The following DACH2 variants were observed in gnomAD, a reference collection of about 807,000 sequenced individuals.
DACH2 encodes the protein dachshund homolog 2.
Under a neutral mutation model 35.8 loss-of-function variants are expected in DACH2, and 17 were observed. That is an observed-to-expected ratio of 0.48 (90% CI 0.33 to 0.71). DACH2 has a LOEUF of 0.71. Among genes scored for constraint, DACH2 ranks in the 30% least tolerant of loss-of-function variants. The pLI is 0.02. For missense variants in DACH2, 469 were observed against 472.7 expected (o/e 0.99, Z 0.07); for synonymous variants, 195 against 177.3 (o/e 1.10, Z -0.79).
chrX:86,789,539 T>A, intron 7 of DACH2, among the ~76,000 whole-genome samples: 1 of 111,911 alleles, frequency 8.9e-6, no homozygotes. Flanking sequence ...ATAAAACATA[T>A]CCCTGTCTTT....
At chrX:86,340,912 C>T (rs189088680) in intron 1 of DACH2, among the ~76,000 whole-genome samples, 104 of 111,715 alleles carry the variant, frequency 9.3e-4, no homozygotes, top group Non-Finnish European at 1.8e-3. Context: ...TCTGTGAATG[C>T]TGAGAGAGAT....
intron 3 of DACH2, among the ~76,000 whole-genome samples, chrX:86,614,439 T>C (rs929963497): frequency 7.2e-5 from 8 of 111,877 alleles, no homozygotes; most frequent in African/African-American, 2.6e-4. Flanking sequence ...AATAACTCTC[T>C]TGGATATGTC....
chrX:86,343,387 C>T (rs185265647), intron 1 of DACH2, among the ~76,000 whole-genome samples: 41 of 111,471 alleles, frequency 3.7e-4, no homozygotes, highest in African/African-American at 1.3e-3. Context: ...GAAATGGAGA[C>T]TTAGCCCTAT....
chrX:86,362,725 G>T (rs2035755402), intron 1 of DACH2, among the ~76,000 whole-genome samples: 1 of 111,194 alleles, frequency 9.0e-6, no homozygotes, highest in East Asian at 2.8e-4. Context: ...AAACAGAACT[G>T]CTAATTAGTC....
At chrX:86,400,540 C>T (rs751468817) in intron 2 of DACH2, among the ~76,000 whole-genome samples, 11 of 111,467 alleles carry the variant, frequency 9.9e-5, no homozygotes, top group Middle Eastern at 4.6e-3. Flanking sequence ...ATGATGGTGA[C>T]GTACAGATGG....
At chrX:86,473,985 G>C (rs1411157061) in intron 2 of DACH2, among the ~76,000 whole-genome samples, 1 of 111,897 alleles carries the variant, frequency 8.9e-6, no homozygotes, top group East Asian at 2.8e-4. Context: ...CTCACCAGCA[G>C]TGAATGAGGG....
chrX:86,230,427 G>A (rs1427313488), intron 1 of DACH2, among the ~76,000 whole-genome samples: 1 of 111,173 alleles, frequency 9.0e-6, no homozygotes, highest in Non-Finnish European at 1.9e-5. Context: ...TGTTCATCAA[G>A]GATATTGGTC....
intron 1 of DACH2, among the ~76,000 whole-genome samples, chrX:86,258,250 A>C (rs2033561922): frequency 8.9e-6 from 1 of 112,142 alleles, no homozygotes; most frequent in Non-Finnish European, 1.9e-5. Context: ...TTGGCTTTGC[A>C]GGTTAGGTTT....
At chrX:86,410,904 T>C (rs1015288394) in intron 2 of DACH2, among the ~76,000 whole-genome samples, 8 of 105,801 alleles carry the variant, frequency 7.6e-5, no homozygotes, top group African/African-American at 2.8e-4. Flanking sequence ...GTTCAGCCTA[T>C]CTTTTTGCCA....
chrX:86,346,055 G>C (rs2035491319), intron 1 of DACH2, among the ~76,000 whole-genome samples: 1 of 111,603 alleles, frequency 9.0e-6, no homozygotes, highest in African/African-American at 3.3e-5. Context: ...TTAAATATAG[G>C]CCAGATTGTG....
At chrX:86,629,329 A>G (rs1387035669) in intron 3 of DACH2, among the ~76,000 whole-genome samples, 2 of 111,412 alleles carry the variant, frequency 1.8e-5, no homozygotes, top group Non-Finnish European at 3.8e-5. Context: ...ATTCTGATTT[A>G]GATATCATAG....
At chrX:86,684,704 T>C (rs1442630675) in intron 4 of DACH2, among the ~76,000 whole-genome samples, 1 of 110,589 alleles carries the variant, frequency 9.0e-6, no homozygotes, top group East Asian at 2.8e-4. Context: ...AAATATATAA[T>C]ATTACAATGT....
chrX:86,686,159 T>A (rs1353216834), intron 4 of DACH2, among the ~76,000 whole-genome samples: 1 of 112,272 alleles, frequency 8.9e-6, no homozygotes, highest in Non-Finnish European at 1.9e-5. Context: ...TTGTCACACA[T>A]AAACAAATTT....
intron 4 of DACH2, among the ~76,000 whole-genome samples, chrX:86,655,040 C>T (rs2040523822): frequency 9.0e-6 from 1 of 111,435 alleles, no homozygotes; most frequent in African/African-American, 3.3e-5. Context: ...AAACTGAGAC[C>T]AAAGACTGGG....
At chrX:86,451,134 C>T (rs1220067664) in intron 2 of DACH2, among the ~76,000 whole-genome samples, 1 of 111,451 alleles carries the variant, frequency 9.0e-6, no homozygotes, top group East Asian at 2.8e-4. Context: ...GTTATGAAAT[C>T]TTTGCCCGTG....
chrX:86,480,609 T>G (rs28377969), intron 2 of DACH2, among the ~76,000 whole-genome samples: 1 of 112,182 alleles, frequency 8.9e-6, no homozygotes, highest in Admixed American at 9.5e-5. Flanking sequence ...TAAACCCCAT[T>G]CCAAAAAGTA....
chrX:86,384,310 T>C (rs1453974119), intron 2 of DACH2, among the ~76,000 whole-genome samples: 1 of 111,673 alleles, frequency 9.0e-6, no homozygotes, highest in Non-Finnish European at 1.9e-5. Flanking sequence ...TAAAAGTTTG[T>C]CAGTGTAACT....
At chrX:86,797,086 T>C (rs771465953) in intron 7 of DACH2, among the ~76,000 whole-genome samples, 50 of 111,107 alleles carry the variant, frequency 4.5e-4, no homozygotes, top group Non-Finnish European at 8.7e-4. Flanking sequence ...TGTTGTCTGA[T>C]TGCCATTTAC....
chrX:86,283,901 C>T (rs918660951), intron 1 of DACH2, among the ~76,000 whole-genome samples: 50 of 109,482 alleles, frequency 4.6e-4, no homozygotes, highest in Admixed American at 7.8e-4. Context: ...CACATACACA[C>T]ACACACACAT....
Sources: gnomAD v4.1 joint callset for allele counts (sites outside exome capture counted in the v4.1 genomes callset) on GRCh38, gnomAD v4.1.1 for gene constraint, MANE v1.5 for transcripts, NCBI Gene and HGNC (gene_info 2026-07-23, HGNC 2026-07-21) for gene names.